ACAP2: variants seen among roughly 807,000 people sequenced by gnomAD.
The protein encoded by ACAP2 is arf-GAP with coiled-coil, ANK repeat and PH domain-containing protein 2.
A neutral mutation model predicts 115.8 loss-of-function variants in ACAP2; 39 were observed. That is an observed-to-expected ratio of 0.34 (90% confidence interval 0.26 to 0.44). ACAP2 has a LOEUF of 0.44. Among genes scored for constraint, ACAP2 ranks in the 20% least tolerant of loss-of-function variants. The pLI is 1.00. For missense variants in ACAP2, 662 were observed against 927.6 expected (o/e 0.71, Z 3.72); for synonymous variants, 289 against 315.8 (o/e 0.92, Z 0.90).
chr3:195,409,750 C>G (rs984499657), intron 1 of ACAP2, among the ~76,000 whole-genome samples: 1 of 151,668 alleles, frequency 6.6e-6, no homozygotes, highest in African/African-American at 2.4e-5. Flanking sequence ...GTGGCAGGCA[C>G]CTATAATCCC....
intron 1 of ACAP2, among the ~76,000 whole-genome samples, chr3:195,415,381 A>G (rs1713634895): frequency 6.6e-6 from 1 of 150,696 alleles, no homozygotes; most frequent in Non-Finnish European, 1.5e-5. Flanking sequence ...CGTTCAAGAG[A>G]TTCTCCTGCC....
At chr3:195,375,399 C>T (rs941717671) in intron 4 of ACAP2, among the ~76,000 whole-genome samples, 5 of 151,438 alleles carry the variant, frequency 3.3e-5, no homozygotes, top group African/African-American at 9.7e-5. Flanking sequence ...TCAATCTGTG[C>T]CATGAAATGA....
intron 4 of ACAP2, among the ~76,000 whole-genome samples, chr3:195,364,570 C>T (rs1732587636): frequency 6.6e-6 from 1 of 151,144 alleles, no homozygotes; most frequent in South Asian, 2.1e-4. Context: ...GACTCTGTCT[C>T]AAATAAATAA....
chr3:195,416,431 G>A (rs1713734321), intron 1 of ACAP2, among the ~76,000 whole-genome samples: 1 of 151,442 alleles, frequency 6.6e-6, no homozygotes, highest in South Asian at 2.1e-4. Flanking sequence ...CATCAGATTA[G>A]CAAAAGTTTT....
In ACAP2 at chr3:195,289,240, G is replaced by T; in HGVS notation, c.2064-9C>A. ...GGAATAAACATACCTGCCTGTTTAA[G>T]AACACAGCATTTTTGAGATATTGTC... On this transcript the variant is annotated splice_polypyrimidine_tract_variant and intron_variant, in intron 20 of 22. Coordinates refer to ENST00000326793, the MANE Select transcript of ACAP2 (RefSeq NM_012287.6). The T allele has an allele frequency of 1.3e-6, 2 of 1,580,164 alleles. No homozygotes were observed. The highest frequency in any genetic ancestry group is 2.3e-5 in the East Asian group (1 of 43,696).
chr3:195,320,933 A>G lies in ACAP2; in HGVS notation c.745-120T>C. 3 of 573,912 alleles carry G rather than the reference A, an allele frequency of 5.2e-6. No individual in the cohort carries two copies. The East Asian group carries it at 8.4e-5, about 16-fold the overall frequency. 35.6% of individuals were successfully genotyped at this position (573,912 alleles called of 1,614,324 possible). A position where few individuals can be genotyped will look rare whatever the true frequency, so the allele number is the denominator to read the frequency against. ...GGTTTATATTAAGACAGTTACAACA[A>G]TATTAATAAGAAAAATGAAGGGGGA... On this transcript the variant is annotated intron_variant, in intron 9 of 22. Transcript: ENST00000326793.
At chr3:195,369,569 C>T (rs1732979728) in intron 4 of ACAP2, among the ~76,000 whole-genome samples, 1 of 152,198 alleles carries the variant, frequency 6.6e-6, no homozygotes, top group African/African-American at 2.4e-5. Flanking sequence ...CCAGCTCCAT[C>T]CATGTTCCTA....
At chr3:195,343,259 T>C (rs1730990108) in intron 5 of ACAP2, among the ~76,000 whole-genome samples, 1 of 152,216 alleles carries the variant, frequency 6.6e-6, no homozygotes, top group African/African-American at 2.4e-5. Flanking sequence ...ACATGTACCA[T>C]TATTTAACCA....
At chr3:195,383,572 G>GTT (rs1055803600) in intron 2 of ACAP2, among the ~76,000 whole-genome samples, 2 of 146,254 alleles carry the variant, frequency 1.4e-5, no homozygotes, top group African/African-American at 5.0e-5. Flanking sequence ...AAAAGAGAAG[G>GTT]TTTTTTTTTT....
At chr3:195,330,417 AC>A (rs1272803827) in intron 8 of ACAP2, among the ~76,000 whole-genome samples, 2 of 152,176 alleles carry the variant, frequency 1.3e-5, no homozygotes, top group Non-Finnish European at 2.9e-5. Flanking sequence ...GAGGGGGTAA[AC>A]CTATAAAACT....
intron 21 of ACAP2, 35 bp downstream of exon 21, chr3:195,289,086 G>T: frequency 1.3e-6 from 2 of 1,536,076 alleles, no homozygotes; most frequent in Non-Finnish European, 1.8e-6. Context: ...GTAATTCACT[G>T]TATGGAAATA....
At chr3:195,372,646 A>G (rs1035634522) in intron 4 of ACAP2, among the ~76,000 whole-genome samples, 1 of 151,696 alleles carries the variant, frequency 6.6e-6, no homozygotes, top group Non-Finnish European at 1.5e-5. Context: ...ACACAGGAAG[A>G]CCCCCGCTCT....
chr3:195,373,055 CA>C (rs1560299124), intron 4 of ACAP2, among the ~76,000 whole-genome samples: 1 of 92,350 alleles, frequency 1.1e-5, no homozygotes, highest in South Asian at 3.6e-4. Flanking sequence ...AACTGTGAAA[CA>C]AAAAAGATAT....
intron 4 of ACAP2, among the ~76,000 whole-genome samples, chr3:195,352,205 C>T (rs1731656785): frequency 6.6e-6 from 1 of 152,130 alleles, no homozygotes; most frequent in Non-Finnish European, 1.5e-5. Context: ...ATTACAGAAA[C>T]ATGCTGTATA....
intron 15 of ACAP2, among the ~76,000 whole-genome samples, chr3:195,297,570 A>T (rs1250008315): frequency 1.3e-5 from 2 of 152,192 alleles, no homozygotes; most frequent in South Asian, 4.1e-4. Flanking sequence ...GCCACATATC[A>T]CAGCTATTGT....
At chr3:195,292,504 G>T in intron 18 of ACAP2, 52 bp from the exon 19 acceptor site, 1 of 1,518,698 alleles carries the variant, frequency 6.6e-7, no homozygotes, top group Non-Finnish European at 8.8e-7. Flanking sequence ...GGCAGAAAAA[G>T]AAAAAATTAT....
At chr3:195,337,676 A>C (rs1345585912) in intron 6 of ACAP2, among the ~76,000 whole-genome samples, 2 of 151,960 alleles carry the variant, frequency 1.3e-5, no homozygotes, top group Non-Finnish European at 2.9e-5. Context: ...TTAACTCCTG[A>C]CCTCAAGTGA....
intron 10 of ACAP2, 91 bp from the exon 11 acceptor site, chr3:195,308,928 C>A: frequency 8.1e-7 from 1 of 1,234,180 alleles, no homozygotes; most frequent in South Asian, 1.4e-5. Flanking sequence ...CACTGGAAAT[C>A]ACATTGTGTT....
At chr3:195,319,815 G>C (rs1435009439) in intron 10 of ACAP2, among the ~76,000 whole-genome samples, 1 of 152,122 alleles carries the variant, frequency 6.6e-6, no homozygotes, top group African/African-American at 2.4e-5. Flanking sequence ...TAAGACTTTG[G>C]GGAACTGTTG....
Sources: gnomAD v4.1 joint callset for allele counts (sites outside exome capture counted in the v4.1 genomes callset) on GRCh38, gnomAD v4.1.1 for gene constraint, MANE v1.5 for transcripts, NCBI Gene and HGNC (gene_info 2026-07-23, HGNC 2026-07-21) for gene names.